The following SYDE2 variants were observed in gnomAD, a reference collection of about 807,000 sequenced individuals.
SYDE2 encodes synapse defective Rho GTPase homolog 2.
In SYDE2, 76 loss-of-function variants were observed where a neutral mutation model predicts 91.5. The observed-to-expected ratio is 0.83, with a 90% CI of 0.69 to 1.01. The LOEUF is 1.01. Ranked by LOEUF, SYDE2 falls within the 50% of genes least tolerant of loss-of-function variation. The pLI is 0.00. For missense variants in SYDE2, 1,364 were observed against 1,367.7 expected, an observed-to-expected ratio of 1.00 and a Z score of 0.04; for synonymous variants, 513 against 506.4, an observed-to-expected ratio of 1.01 and a Z score of -0.18.
In SYDE2 at chr1:85,190,466, G is replaced by T. The variant is rs138960738; in HGVS notation, c.1032C>A (p.Asn344Lys). The change falls in exon 2 of 7, where the codon AAC (asparagine) becomes AAA (lysine). Residue 344 changes from asparagine (N) to lysine (K), a missense_variant. Coordinates refer to ENST00000341460, the MANE Select transcript of SYDE2 (RefSeq NM_032184.2). ...SKEYCTYVVC[N>K]ATNSSLSKNC... ...TTTTCGATAATGAAGAGTTTGTAGC[G>T]TTACATACCACATATGTACAGTACT... 1.2e-6 allele frequency: 2 copies of T among 1,613,882 alleles called. No individual in the cohort carries two copies. The highest frequency in any genetic ancestry group is 3.3e-5 in the Admixed American group (2 of 60,002).
chr1:85,197,889 C>G (rs925477471), intron 1 of SYDE2, among the ~76,000 whole-genome samples: 5 of 152,038 alleles, frequency 3.3e-5, no homozygotes, highest in African/African-American at 1.2e-4. Flanking sequence ...CTCCTGACCT[C>G]GTGATCCGCC....
At chr1:85,181,899 C>G (rs368391266) in intron 3 of SYDE2, 199 bp downstream of exon 3, 19 of 496,416 alleles carry the variant, frequency 3.8e-5, no homozygotes, top group East Asian at 3.1e-4. Context: ...TTTGTGGAAT[C>G]ATCTAGCATG....
chr1:85,181,506 T>G (rs1280128347), intron 3 of SYDE2: 1 of 152,246 alleles, frequency 6.6e-6, no homozygotes, highest in Admixed American at 6.6e-5. Context: ...TTAAGTGACT[T>G]GCCCAACATG....
chr1:85,193,599 T>C, intron 1 of SYDE2, among the ~76,000 whole-genome samples: 1 of 149,984 alleles, frequency 6.7e-6, no homozygotes, highest in Admixed American at 6.8e-5. Context: ...ATTGATATAA[T>C]CATTTAATGA....
At chr1:85,190,811 T>A (rs907158102) in intron 1 of SYDE2, 59 bp from the exon 2 acceptor site, 1 of 1,411,416 alleles carries the variant, frequency 7.1e-7, no homozygotes, top group African/African-American at 1.4e-5. Context: ...GAAAGACATG[T>A]CACTTCAGAC....
Position 85,182,607 on chromosome 1 carries a change from A to G in SYDE2, c.2035T>C (p.Ser679Pro). 6.2e-7 allele frequency: 1 copy of G among 1,613,932 alleles called. No individual in the cohort carries two copies. The highest frequency in any genetic ancestry group is 8.5e-7 in the Non-Finnish European group (1 of 1,179,866). ...TAGAAATGTACACTCATGAGCCCAG[A>G]TATGTACTGTGAACACTTAGGTTGA... ...SDQPKCSQYISGLMSVHFYGA... is the reference protein window; with the variant it reads ...SDQPKCSQYIPGLMSVHFYGA... The change falls in exon 3 of 7, where the codon TCT becomes CCT. Residue 679 changes from serine (S) to proline (P), a missense_variant. Ser to Pro is a moderately conservative substitution (Grantham distance 74). Coordinates refer to ENST00000341460, the MANE Select transcript of SYDE2 (RefSeq NM_032184.2).
chr1:85,174,916 A>C (rs72952634), intron 4 of SYDE2, among the ~76,000 whole-genome samples: 10 of 152,184 alleles, frequency 6.6e-5, no homozygotes, highest in African/African-American at 2.2e-4. Flanking sequence ...GTATGTACAA[A>C]AAAGATAAAT....
At chr1:85,200,214 G>T (rs1354085346) in intron 1 of SYDE2, 38 bp downstream of exon 1, 1 of 1,613,224 alleles carries the variant, frequency 6.2e-7, no homozygotes, top group Non-Finnish European at 8.5e-7. Context: ...AAACAGTAAG[G>T]CTCGCGGTGC....
rs772185129 is a variant in SYDE2, at chr1:85,169,150, G to A, written c.2747C>T (p.Ala916Val). 2 of 1,613,802 alleles carry A rather than the reference G, an allele frequency of 1.2e-6. No individual in the cohort carries two copies. The highest frequency in any genetic ancestry group is 4.5e-5 in the East Asian group (2 of 44,852). The change falls in exon 5 of 7, where the codon GCA becomes GTA. Residue 916 changes from alanine (A) to valine (V), a missense_variant. By Grantham distance (64) the Ala-to-Val change is moderately conservative. Coordinates refer to ENST00000341460, the MANE Select transcript of SYDE2 (RefSeq NM_032184.2). Reference protein sequence around the residue: ...TKQLYEAVLDAMAKSPLKMSS... With the variant: ...TKQLYEAVLDVMAKSPLKMSS... ...CATTTTCAAAGGACTTTTTGCCATT[G>A]CATCTAATACAGCCTCATAAAGCTG...
chr1:85,182,367 A>T lies in SYDE2; in HGVS notation c.2275T>A (p.Cys759Ser). 6.2e-7 allele frequency: 1 copy of T among 1,613,906 alleles called. No homozygotes were observed. Among genetic ancestry groups the T allele is most frequent in the African/African-American group, 1.3e-5 (1 of 75,060 alleles). Residue 759 changes from cysteine to serine, a missense_variant, in exon 3 of 7, where the codon TGT becomes AGT. Physicochemically the swap from Cys to Ser is moderately radical, Grantham distance 112 (BLOSUM62 -1). Transcript: ENST00000341460. ...WEPTPRKNRV[C>S]CHGTVVLPTL... The stretch of plus-strand genomic sequence containing the variant: ...GGAAGAACAACAGTTCCATGACAAC[A>T]AACTCGATTTTTTCTTGGAGTGGGT...
rs760060412 is a variant in SYDE2, at chr1:85,182,978, G to C, written c.1664C>G (p.Pro555Arg). ...TTTAGACAAAGAAGGAGTATTATCT[G>C]GACTGTTTATATAATTCAATGTTCC... ...VKGTLNYINS[P>R]DNTPSLSKYN... is the part of the protein sequence containing the mutation. The change falls in exon 3 of 7, where the codon CCA (proline) becomes CGA (arginine). Residue 555 changes from proline to arginine, a missense_variant. Transcript: ENST00000341460. The C allele has an allele frequency of 1.9e-6, 3 of 1,613,628 alleles. No homozygotes were observed. The highest frequency in any genetic ancestry group is 1.7e-5 in the Admixed American group (1 of 59,990).
chr1:85,200,167 A>G, intron 1 of SYDE2, 85 bp downstream of exon 1: 3 of 1,586,120 alleles, frequency 1.9e-6, no homozygotes. Flanking sequence ...CAAAAACATA[A>G]CTTTTTCTTG....
chr1:85,200,762 T>G lies in SYDE2; in HGVS notation c.235A>C (p.Met79Leu). The change falls in exon 1 of 7, where the codon ATG becomes CTG. Residue 79 changes from methionine to leucine, a missense_variant. Physicochemically the swap from Met to Leu is conservative, Grantham distance 15. Transcript: ENST00000341460. Reference protein sequence around the residue: ...PRGGQLRTPRMRPSCSRSLES... With the variant: ...PRGGQLRTPRLRPSCSRSLES... ...AGGCTTCTGCTGCAGGACGGCCGCA[T>G]CCGAGGAGTCCGCAGCTGGCCTCCC... 1 of 1,524,748 alleles carries G rather than the reference T, an allele frequency of 6.6e-7. No homozygotes were observed. 94.5% of individuals were successfully genotyped at this position (1,524,748 alleles called of 1,614,324 possible).
chr1:85,159,190 G>C lies in SYDE2; in HGVS notation c.3145C>G (p.Leu1049Val). The change falls in exon 7 of 7, where the codon CTG (leucine) becomes GTG (valine). Residue 1049 changes from leucine to valine, a missense_variant. Coordinates refer to ENST00000341460, the MANE Select transcript of SYDE2 (RefSeq NM_032184.2). ...TCTTTCTTCTGCCTCAGATAATTCA[G>C]AGAAGACTTCTGCTCTGGGAATAAA... ...DNLFPEQKSS[L>V]NYLRQKKERP... The C allele has an allele frequency of 1.3e-6, 1 of 780,600 alleles. No homozygotes were observed. Among genetic ancestry groups the C allele is most frequent in the South Asian group, 1.3e-5 (1 of 74,590 alleles). 48.4% of individuals were successfully genotyped at this position (780,600 alleles called of 1,614,324 possible). A position where few individuals can be genotyped will look rare whatever the true frequency, so the allele number is the denominator to read the frequency against.
chr1:85,201,003 G>C lies in SYDE2; in HGVS notation c.-7C>G. ...CAGGGGGCAGGTCGTGCATGGCCTGGATCAGCAGATAATAGGCCTCTCGCA... is the reference window on the plus strand; with the variant it reads ...CAGGGGGCAGGTCGTGCATGGCCTGCATCAGCAGATAATAGGCCTCTCGCA... On this transcript the variant is annotated 5_prime_UTR_variant, in exon 1 of 7. In the 5' UTR this introduces an upstream ATG that the reference lacks. Transcript: ENST00000341460. The C allele has an allele frequency of 7.7e-7, 1 of 1,291,488 alleles. No individual in the cohort carries two copies. The highest frequency in any genetic ancestry group is 9.7e-7 in the Non-Finnish European group (1 of 1,026,452). The allele number at this position is 1,291,488 out of a possible 1,614,324, so 80.0% of individuals were successfully genotyped here.
chr1:85,177,748 C>T (rs1008645264), intron 4 of SYDE2, among the ~76,000 whole-genome samples: 2 of 152,058 alleles, frequency 1.3e-5, no homozygotes, highest in Non-Finnish European at 2.9e-5. Flanking sequence ...TATCACTCCC[C>T]CACTCAAAAA....
In SYDE2 at chr1:85,182,983, G is replaced by C; in HGVS notation, c.1659C>G (p.Asn553Lys). 1 of 1,613,380 alleles carries C rather than the reference G, an allele frequency of 6.2e-7. No homozygotes were observed. The highest frequency in any genetic ancestry group is 8.5e-7 in the Non-Finnish European group (1 of 1,179,644). Residue 553 changes from asparagine (N) to lysine (K), a missense_variant, in exon 3 of 7, where the codon AAC (asparagine) becomes AAG (lysine). Asn to Lys is a moderately conservative substitution (Grantham distance 94). Transcript: ENST00000341460. ...LSVKGTLNYI[N>K]SPDNTPSLSK... is the part of the protein sequence containing the mutation. The stretch of plus-strand genomic sequence containing the variant: ...ACAAAGAAGGAGTATTATCTGGACT[G>C]TTTATATAATTCAATGTTCCCTTAA...
intron 6 of SYDE2, among the ~76,000 whole-genome samples, chr1:85,163,260 C>A (rs1360023867): frequency 6.6e-6 from 1 of 151,226 alleles, no homozygotes; most frequent in Non-Finnish European, 1.5e-5. Flanking sequence ...GTGCCCGCCA[C>A]CATGCCCAGC....
chr1:85,162,479 C>A (rs1657098900), intron 6 of SYDE2, among the ~76,000 whole-genome samples: 1 of 152,160 alleles, frequency 6.6e-6, no homozygotes, highest in Non-Finnish European at 1.5e-5. Flanking sequence ...TGTTTCTTCT[C>A]AACTTTCTGC....
Sources: gnomAD v4.1 joint callset for allele counts (sites outside exome capture counted in the v4.1 genomes callset) on GRCh38, gnomAD v4.1.1 for gene constraint, MANE v1.5 for transcripts, NCBI Gene and HGNC (gene_info 2026-07-23, HGNC 2026-07-21) for gene names.